The following ZMPSTE24 variants were observed in gnomAD, a reference collection of about 807,000 sequenced individuals.
ZMPSTE24 encodes the protein zinc metallopeptidase STE24.
A neutral mutation model predicts 56.7 loss-of-function variants in ZMPSTE24; 48 were observed. The observed-to-expected ratio is 0.85, with a 90% CI of 0.67 to 1.08. The LOEUF is 1.08. ZMPSTE24 is among the 50% of genes least tolerant of loss of function. ZMPSTE24 has a pLI of 0.00. For synonymous variants in ZMPSTE24, 172 were observed against 195.2 expected (o/e 0.88, Z 0.99); for missense variants, 503 against 548.7 (o/e 0.92, Z 0.83).
chr1:40,262,733 C>T, intron 2 of ZMPSTE24: 2 of 812,692 alleles, frequency 2.5e-6, no homozygotes, highest in South Asian at 2.6e-5. Context: ...GTTTTCCCTC[C>T]ATTGCTTGGT....
chr1:40,275,752 CAAAAAAAAAAA>C (rs34281343), intron 6 of ZMPSTE24, among the ~76,000 whole-genome samples: 3 of 62,668 alleles, frequency 4.8e-5, no homozygotes, highest in Admixed American at 3.7e-4. Flanking sequence ...GACCCTGTCT[CAAAAAAAAAAA>C]AAAAAAAAAA....
chr1:40,260,055 C>CT (rs11383054), intron 1 of ZMPSTE24, among the ~76,000 whole-genome samples: 28,503 of 84,302 alleles, frequency 0.34, 6,372 homozygotes, highest in African/African-American at 0.53. Context: ...GATCTTTCTC[C>CT]TTTTTTTTTT....
intron 6 of ZMPSTE24, among the ~76,000 whole-genome samples, chr1:40,280,143 G>A (rs532748410): frequency 4.6e-5 from 7 of 152,214 alleles, no homozygotes; most frequent in South Asian, 2.1e-4. Context: ...CCAAACGACC[G>A]TAGAATGGTC....
chr1:40,280,732 G>A (rs964206684), intron 6 of ZMPSTE24, among the ~76,000 whole-genome samples: 38 of 152,198 alleles, frequency 2.5e-4, no homozygotes, highest in Admixed American at 6.5e-5. Flanking sequence ...AGTTGAATTT[G>A]CTTTTTGTCT....
Position 40,258,327 on chromosome 1 carries a change from T to A in ZMPSTE24, c.56T>A (p.Ile19Asn), listed in dbSNP as rs1467506494. Residue 19 changes from isoleucine (I) to asparagine (N), a missense_variant, in exon 1 of 10, where the codon ATC becomes AAC. Ile to Asn is a moderately radical substitution (Grantham distance 149). Transcript: ENST00000372759. ...TGGGAGATGCCGGCCGAGAAGCGTATCTTCGGGGCCGTGCTGCTCTTTTCC... is the reference window on the plus strand; with the variant it reads ...TGGGAGATGCCGGCCGAGAAGCGTAACTTCGGGGCCGTGCTGCTCTTTTCC... ...ALWEMPAEKR[I>N]FGAVLLFSWT... is the part of the protein sequence containing the mutation. The A allele has an allele frequency of 1.9e-6, 3 of 1,614,030 alleles. No homozygotes were observed. The highest frequency in any genetic ancestry group is 2.5e-6 in the Non-Finnish European group (3 of 1,180,036).
chr1:40,267,818 C>T lies in ZMPSTE24; in HGVS notation c.303C>T (p.Leu101=). The part of the protein sequence containing the change: ...LILLFGGIPY[L]WRLSGRFCGY... ...TTCTCTTTGGAGGAATACCTTATCT[C>T]TGGAGACTTTCTGGACGGTTCTGTG... Residue 101 remains leucine, a synonymous_variant, in exon 3 of 10, where the codon CTC becomes CTT. Coordinates refer to ENST00000372759, the MANE Select transcript of ZMPSTE24 (RefSeq NM_005857.5). The T allele has an allele frequency of 6.2e-7, 1 of 1,613,896 alleles. No homozygotes were observed. Among genetic ancestry groups the T allele is most frequent in the Non-Finnish European group, 8.5e-7 (1 of 1,179,818 alleles).
intron 9 of ZMPSTE24, among the ~76,000 whole-genome samples, chr1:40,291,618 A>G (rs758664492): frequency 6.6e-6 from 1 of 152,212 alleles, no homozygotes; most frequent in Non-Finnish European, 1.5e-5. Context: ...AAATTAAGCT[A>G]AGAAATAATA....
chr1:40,270,871 C>T (rs1164021982), intron 5 of ZMPSTE24, among the ~76,000 whole-genome samples: 1 of 152,190 alleles, frequency 6.6e-6, no homozygotes, highest in African/African-American at 2.4e-5. Flanking sequence ...GTAATCCTGG[C>T]ACTTTGGGAA....
At chr1:40,276,048 G>A (rs970207382) in intron 6 of ZMPSTE24, among the ~76,000 whole-genome samples, 3 of 152,168 alleles carry the variant, frequency 2.0e-5, no homozygotes, top group Admixed American at 6.5e-5. Flanking sequence ...CTAGCTGCTC[G>A]GAGTGCTGGG....
At chr1:40,285,451 G>A (rs903371079) in intron 7 of ZMPSTE24, among the ~76,000 whole-genome samples, 5 of 152,134 alleles carry the variant, frequency 3.3e-5, no homozygotes, top group African/African-American at 1.2e-4. Flanking sequence ...TGTTGGCCAG[G>A]CTAGTCTGGA....
Position 40,292,771 on chromosome 1 carries a change from A to T in ZMPSTE24, c.*102A>T, listed in dbSNP as rs1234204660. 1 of 990,254 alleles carries T rather than the reference A, an allele frequency of 1.0e-6. No individual in the cohort carries two copies. Among genetic ancestry groups the T allele is most frequent in the African/African-American group, 1.6e-5 (1 of 61,174 alleles). The allele number at this position is 990,254 out of a possible 1,614,324, so 61.3% of individuals were successfully genotyped here. A position where few individuals can be genotyped will look rare whatever the true frequency, so the allele number is the denominator to read the frequency against. ...AAACTTTTTTTTAGAAGAAAAATTAAGTACAGAAAAGCCCAGATTTAAATA... is the reference window on the plus strand; with the variant it reads ...AAACTTTTTTTTAGAAGAAAAATTATGTACAGAAAAGCCCAGATTTAAATA... On this transcript the variant is annotated 3_prime_UTR_variant, in exon 10 of 10. Transcript: ENST00000372759.
At chr1:40,284,187 C>T (rs576154567) in intron 7 of ZMPSTE24, among the ~76,000 whole-genome samples, 17 of 148,498 alleles carry the variant, frequency 1.1e-4, no homozygotes, top group African/African-American at 4.2e-4. Flanking sequence ...CTCCTGACCT[C>T]GTGATCCACC....
chr1:40,266,571 C>T (rs1643550664), intron 2 of ZMPSTE24, among the ~76,000 whole-genome samples: 1 of 152,222 alleles, frequency 6.6e-6, no homozygotes, highest in Middle Eastern at 3.4e-3. Context: ...CTCACCTCTT[C>T]CTGACCCAGC....
intron 1 of ZMPSTE24, 129 bp downstream of exon 1, chr1:40,258,523 C>A: frequency 6.6e-7 from 1 of 1,524,258 alleles, no homozygotes; most frequent in Non-Finnish European, 8.9e-7. Context: ...CCTGCTGAGT[C>A]TCGTAACTTG....
chr1:40,272,311 A>T (rs1643621407), intron 6 of ZMPSTE24, among the ~76,000 whole-genome samples: 1 of 152,160 alleles, frequency 6.6e-6, no homozygotes, highest in Non-Finnish European at 1.5e-5. Context: ...TTTTTGGCCA[A>T]GGCTTTTTCA....
At chr1:40,289,564 CT>C (rs1643819533) in intron 8 of ZMPSTE24, among the ~76,000 whole-genome samples, 1 of 152,168 alleles carries the variant, frequency 6.6e-6, no homozygotes, top group Non-Finnish European at 1.5e-5. Context: ...TTCTTATGCT[CT>C]AAGCCCCATT....
intron 7 of ZMPSTE24, among the ~76,000 whole-genome samples, 179 bp from the exon 8 acceptor site, chr1:40,285,746 C>T (rs1442183923): frequency 6.6e-6 from 1 of 151,970 alleles, no homozygotes; most frequent in African/African-American, 2.4e-5. Context: ...ATCTTCAGTG[C>T]TTAACCCACT....
intron 5 of ZMPSTE24, among the ~76,000 whole-genome samples, chr1:40,271,378 C>A (rs1042316778): frequency 6.6e-6 from 1 of 152,162 alleles, no homozygotes; most frequent in African/African-American, 2.4e-5. Context: ...AGAAAATGCT[C>A]TAAAAATGCT....
chr1:40,264,877 CAAAAA>C (rs35889679), intron 2 of ZMPSTE24, among the ~76,000 whole-genome samples: 4 of 53,266 alleles, frequency 7.5e-5, no homozygotes, highest in Non-Finnish European at 1.5e-4. Flanking sequence ...GATCCTGTCT[CAAAAA>C]AAAAAAAAAA....
Sources: gnomAD v4.1 joint callset for allele counts (sites outside exome capture counted in the v4.1 genomes callset) on GRCh38, gnomAD v4.1.1 for gene constraint, MANE v1.5 for transcripts, NCBI Gene and HGNC (gene_info 2026-07-23, HGNC 2026-07-21) for gene names.